The following EYS variants were observed in gnomAD, a reference collection of about 807,000 sequenced individuals.
EYS encodes protein eyes shut homolog.
In EYS, 250 loss-of-function variants were observed where a neutral mutation model predicts 282.1. That is an observed-to-expected ratio of 0.89 (90% confidence interval 0.80 to 0.98). The LOEUF (loss-of-function observed/expected upper bound fraction) is 0.98, where lower values mean the gene tolerates loss of function less well. Among genes scored for constraint, EYS ranks in the 50% least tolerant of loss-of-function variants. The pLI, the probability that EYS is intolerant of heterozygous loss-of-function variation, is 0.00. For synonymous variants in EYS, 1,355 were observed against 1,282.9 expected, an observed-to-expected ratio of 1.06 and a Z score of -1.20; for missense variants, 4,016 against 3,709.0, an observed-to-expected ratio of 1.08 and a Z score of -2.15.
At chr6:64,516,629 T>TC (rs1777567157) in intron 26 of EYS, among the ~76,000 whole-genome samples, 1 of 151,718 alleles carries the variant, frequency 6.6e-6, no homozygotes, top group South Asian at 2.1e-4. Flanking sequence ...ACCTCCACAG[T>TC]CCTAAACCCT....
intron 30 of EYS, 129 bp from the exon 31 acceptor site, chr6:64,230,953 A>G (rs577231345): frequency 1.9e-6 from 1 of 515,094 alleles, no homozygotes; most frequent in African/African-American, 1.9e-5. Flanking sequence ...TTAACTGAGG[A>G]CAAATAAAAT....
chr6:65,180,728 A>T (rs1284246508), intron 12 of EYS, among the ~76,000 whole-genome samples: 1 of 152,086 alleles, frequency 6.6e-6, no homozygotes, highest in Non-Finnish European at 1.5e-5. Flanking sequence ...TATGGAACCA[A>T]AAAAGAGCCT....
intron 15 of EYS, among the ~76,000 whole-genome samples, chr6:64,931,351 CTCT>C (rs1196785604): frequency 6.6e-6 from 1 of 151,984 alleles, no homozygotes; most frequent in Non-Finnish European, 1.5e-5. Flanking sequence ...ATTAGAATAA[CTCT>C]TCACAAAGTT....
At chr6:65,286,652 A>G (rs1768375863) in intron 12 of EYS, among the ~76,000 whole-genome samples, 1 of 151,704 alleles carries the variant, frequency 6.6e-6, no homozygotes, top group Admixed American at 6.6e-5. Context: ...TCTTTCTTTG[A>G]GAGTACTAAA....
At chr6:64,849,662 T>G (rs1765821390) in intron 19 of EYS, among the ~76,000 whole-genome samples, 1 of 152,040 alleles carries the variant, frequency 6.6e-6, no homozygotes, top group African/African-American at 2.4e-5. Flanking sequence ...GAGGAATTTT[T>G]TATAAGCTCA....
intron 7 of EYS, among the ~76,000 whole-genome samples, chr6:65,386,339 A>G (rs939083482): frequency 6.6e-6 from 1 of 151,912 alleles, no homozygotes; most frequent in Non-Finnish European, 1.5e-5. Context: ...AATAATCTGC[A>G]CAACAAATCC....
intron 1 of EYS, among the ~76,000 whole-genome samples, chr6:65,693,215 T>C (rs1158022541): frequency 6.7e-6 from 1 of 149,638 alleles, no homozygotes; most frequent in Non-Finnish European, 1.5e-5. Flanking sequence ...CTGTTTTATT[T>C]TTTCCCTCTT....
chr6:64,742,406 C>T (rs1772406888), intron 22 of EYS, among the ~76,000 whole-genome samples: 1 of 151,940 alleles, frequency 6.6e-6, no homozygotes, highest in African/African-American at 2.4e-5. Context: ...TGAAAATTAC[C>T]AAAAAGTGAC....
At chr6:64,992,874 G>T (rs1426471819) in intron 14 of EYS, among the ~76,000 whole-genome samples, 1 of 152,000 alleles carries the variant, frequency 6.6e-6, no homozygotes, top group Non-Finnish European at 1.5e-5. Context: ...AGAAAGAAGA[G>T]AACCTAGAGG....
chr6:64,849,329 T>C (rs1179415443), intron 19 of EYS, among the ~76,000 whole-genome samples: 3 of 151,818 alleles, frequency 2.0e-5, no homozygotes, highest in Non-Finnish European at 2.9e-5. Flanking sequence ...AAGACAATTC[T>C]ACTAAAATAA....
intron 2 of EYS, among the ~76,000 whole-genome samples, chr6:65,593,955 T>C (rs1474879538): frequency 6.6e-6 from 1 of 151,896 alleles, no homozygotes; most frequent in Non-Finnish European, 1.5e-5. Context: ...ACTTGGAGCA[T>C]AGAGAAGGTC....
chr6:64,281,582 G>T (rs2150361772), intron 30 of EYS, among the ~76,000 whole-genome samples: 1 of 152,124 alleles, frequency 6.6e-6, no homozygotes, highest in Non-Finnish European at 1.5e-5. Context: ...TTAAAGCACT[G>T]ATAAACATTG....
chr6:65,159,191 C>G (rs77083009), intron 12 of EYS, among the ~76,000 whole-genome samples: 3,910 of 150,912 alleles, frequency 0.026, 79 homozygotes, highest in Non-Finnish European at 0.045. Flanking sequence ...AACTCTACAT[C>G]TGGGCACAAT....
intron 22 of EYS, among the ~76,000 whole-genome samples, chr6:64,676,351 T>TATATAGAGAGAG (rs1554192088): frequency 6.9e-6 from 1 of 145,462 alleles, no homozygotes; most frequent in Admixed American, 7.0e-5. Flanking sequence ...TATATATATA[T>TATATAGAGAGAG]AGAGAGAGAG....
chr6:65,688,246 T>A (rs1466758181), intron 1 of EYS, among the ~76,000 whole-genome samples: 3 of 152,046 alleles, frequency 2.0e-5, no homozygotes, highest in African/African-American at 7.2e-5. Context: ...TATAGACTAA[T>A]GGAACAGAAC....
At chr6:65,613,548 C>G (rs1263938119) in intron 2 of EYS, among the ~76,000 whole-genome samples, 1 of 151,742 alleles carries the variant, frequency 6.6e-6, no homozygotes, top group African/African-American at 2.4e-5. Flanking sequence ...TGAGCATTAG[C>G]AGCAATTCAA....
At chr6:65,519,706 ATATTTTTTTTTTTT>A (rs958379493) in intron 2 of EYS, among the ~76,000 whole-genome samples, 1 of 36,598 alleles carries the variant, frequency 2.7e-5, no homozygotes, top group African/African-American at 1.5e-4. Context: ...ATATATATAT[ATATTTTTTTTTTTT>A]TTTTTTTTTT....
intron 12 of EYS, among the ~76,000 whole-genome samples, chr6:65,206,548 G>GT (rs1477760413): frequency 1.3e-5 from 2 of 151,666 alleles, no homozygotes; most frequent in African/African-American, 4.8e-5. Flanking sequence ...AAGTATCACT[G>GT]TAATACTAAA....
At chr6:64,149,968 C>T (rs1279342025) in intron 31 of EYS, among the ~76,000 whole-genome samples, 3 of 152,178 alleles carry the variant, frequency 2.0e-5, no homozygotes, top group East Asian at 3.9e-4. Context: ...GCTCTGTCAA[C>T]TGAAATGCCA....
Sources: gnomAD v4.1 joint callset for allele counts (sites outside exome capture counted in the v4.1 genomes callset) on GRCh38, gnomAD v4.1.1 for gene constraint, MANE v1.5 for transcripts, NCBI Gene and HGNC (gene_info 2026-07-23, HGNC 2026-07-21) for gene names.